Variants in PTPRD observed in about 807,000 individuals in gnomAD.
The protein encoded by PTPRD is receptor-type tyrosine-protein phosphatase delta.
A neutral mutation model predicts 214.5 loss-of-function variants in PTPRD; 34 were observed. The observed-to-expected ratio is 0.16, with a 90% confidence interval of 0.12 to 0.21. The LOEUF (loss-of-function observed/expected upper bound fraction) is 0.21, where lower values mean the gene tolerates loss of function less well. Among genes scored for constraint, PTPRD ranks in the 10% least tolerant of loss-of-function variants. The pLI is 1.00. For synonymous variants in PTPRD, 1,128 were observed against 845.7 expected (o/e 1.33, Z -5.79); for missense variants, 2,545 against 2,398.7 (o/e 1.06, Z -1.27).
chr9:9,217,852 G>A (rs1367586188), intron 9 of PTPRD, among the ~76,000 whole-genome samples: 2 of 152,070 alleles, frequency 1.3e-5, no homozygotes, highest in East Asian at 3.9e-4. Context: ...AAGTATTTCA[G>A]AAGCGGCTTC....
At chr9:10,508,310 G>A (rs887249520) in intron 2 of PTPRD, among the ~76,000 whole-genome samples, 3 of 152,154 alleles carry the variant, frequency 2.0e-5, no homozygotes, top group African/African-American at 7.2e-5. Context: ...GTGCTGGAGA[G>A]GATGTGGAGA....
chr9:9,613,212 CTG>C (rs1348434820), intron 7 of PTPRD, among the ~76,000 whole-genome samples: 20 of 103,804 alleles, frequency 1.9e-4, no homozygotes, highest in African/African-American at 6.5e-4. Context: ...ATTTTGAAAA[CTG>C]TGAAATCATT....
At chr9:10,085,920 C>T (rs1410732442) in intron 3 of PTPRD, among the ~76,000 whole-genome samples, 1 of 151,854 alleles carries the variant, frequency 6.6e-6, no homozygotes, top group African/African-American at 2.4e-5. Context: ...GTCTCTGATC[C>T]ATGAAATCTA....
intron 11 of PTPRD, among the ~76,000 whole-genome samples, chr9:8,945,423 A>C (rs1322564332): frequency 6.6e-6 from 1 of 151,954 alleles, no homozygotes; most frequent in African/African-American, 2.4e-5. Context: ...ACTCTATTTC[A>C]AATTCTTTTC....
At chr9:10,007,173 T>C (rs1223221545) in intron 4 of PTPRD, among the ~76,000 whole-genome samples, 2 of 151,982 alleles carry the variant, frequency 1.3e-5, no homozygotes, top group East Asian at 1.9e-4. Context: ...GATTCAAATG[T>C]AGGTGTTTAT....
At chr9:9,137,547 C>T (rs950597074) in intron 10 of PTPRD, among the ~76,000 whole-genome samples, 6 of 152,074 alleles carry the variant, frequency 3.9e-5, no homozygotes, top group African/African-American at 1.4e-4. Context: ...ATTTAACTCT[C>T]CATAGAATAA....
intron 6 of PTPRD, among the ~76,000 whole-genome samples, chr9:9,743,687 C>G (rs996018070): frequency 6.7e-6 from 1 of 150,354 alleles, no homozygotes; most frequent in Admixed American, 6.7e-5. Context: ...CCTTTGGCAC[C>G]CCATAGTCCA....
At chr9:8,830,005 A>G (rs964152438) in intron 11 of PTPRD, among the ~76,000 whole-genome samples, 1 of 152,188 alleles carries the variant, frequency 6.6e-6, no homozygotes, top group Non-Finnish European at 1.5e-5. Flanking sequence ...AATACCAGTA[A>G]ACAAAATTTG....
intron 5 of PTPRD, among the ~76,000 whole-genome samples, chr9:9,778,261 G>A (rs1054041615): frequency 6.6e-6 from 1 of 152,108 alleles, no homozygotes; most frequent in Non-Finnish European, 1.5e-5. Context: ...TCCTGGGAGA[G>A]GGGTGAGTGC....
intron 4 of PTPRD, among the ~76,000 whole-genome samples, chr9:9,949,517 T>A (rs979535431): frequency 6.6e-6 from 1 of 152,096 alleles, no homozygotes; most frequent in African/African-American, 2.4e-5. Context: ...ACAGCCCTCG[T>A]AGGGAGTTAA....
intron 5 of PTPRD, among the ~76,000 whole-genome samples, chr9:9,890,013 T>C (rs28439337): frequency 0.029 from 4,392 of 152,078 alleles, 185 homozygotes; most frequent in African/African-American, 0.095. Flanking sequence ...AAGCCATGAA[T>C]CCACCCTCCC....
At chr9:9,612,103 T>C (rs1211298491) in intron 7 of PTPRD, among the ~76,000 whole-genome samples, 1 of 152,168 alleles carries the variant, frequency 6.6e-6, no homozygotes, top group Non-Finnish European at 1.5e-5. Context: ...AATGAAAATA[T>C]ATGTAAATGA....
At chr9:10,555,872 T>C (rs2062455393) in intron 2 of PTPRD, among the ~76,000 whole-genome samples, 1 of 151,812 alleles carries the variant, frequency 6.6e-6, no homozygotes, top group African/African-American at 2.4e-5. Flanking sequence ...AATATCAAAT[T>C]AGTGAATAAA....
At chr9:8,507,644 T>C (rs892817316) in intron 21 of PTPRD, among the ~76,000 whole-genome samples, 1 of 152,196 alleles carries the variant, frequency 6.6e-6, no homozygotes, top group Non-Finnish European at 1.5e-5. Flanking sequence ...GTAGAACATC[T>C]ACACAAGATA....
At chr9:9,741,196 C>A (rs1564901875) in intron 6 of PTPRD, among the ~76,000 whole-genome samples, 1 of 152,128 alleles carries the variant, frequency 6.6e-6, no homozygotes, top group Non-Finnish European at 1.5e-5. Context: ...GTTCTGAAAT[C>A]TGTACATGTA....
At chr9:9,755,543 G>A (rs888845922) in intron 6 of PTPRD, among the ~76,000 whole-genome samples, 6 of 152,028 alleles carry the variant, frequency 3.9e-5, no homozygotes, top group Non-Finnish European at 7.4e-5. Flanking sequence ...TTTTTCTAAA[G>A]GTTTGTGCTT....
At chr9:10,552,600 G>C (rs762799990) in intron 2 of PTPRD, among the ~76,000 whole-genome samples, 1 of 152,008 alleles carries the variant, frequency 6.6e-6, no homozygotes, top group African/African-American at 2.4e-5. Context: ...CACTGTGGAC[G>C]CTAGATCAAC....
chr9:9,168,008 A>G (rs78257784), intron 10 of PTPRD, among the ~76,000 whole-genome samples: 2,002 of 152,198 alleles, frequency 0.013, 46 homozygotes, highest in African/African-American at 0.046. Context: ...AAATCAGATA[A>G]CTGATTTTTT....
intron 11 of PTPRD, among the ~76,000 whole-genome samples, chr9:8,924,532 T>G (rs1342201687): frequency 6.6e-6 from 1 of 152,054 alleles, no homozygotes; most frequent in Admixed American, 6.6e-5. Context: ...GGAATCAAAG[T>G]GGTACCTGAA....
Sources: gnomAD v4.1 joint callset for allele counts (sites outside exome capture counted in the v4.1 genomes callset) on GRCh38, gnomAD v4.1.1 for gene constraint, MANE v1.5 for transcripts, NCBI Gene and HGNC (gene_info 2026-07-23, HGNC 2026-07-21) for gene names.